LRRC8D: variants seen among roughly 807,000 people sequenced by gnomAD.
LRRC8D encodes the protein volume-regulated anion channel subunit LRRC8D.
In LRRC8D, 20 loss-of-function variants were observed where a neutral mutation model predicts 55.8. The ratio of observed to expected loss-of-function variants is 0.36; its 90% confidence interval spans 0.25 to 0.52. The LOEUF (loss-of-function observed/expected upper bound fraction) is 0.52. LRRC8D is among the 20% of genes least tolerant of loss of function. The pLI is 0.93. For synonymous variants in LRRC8D, 352 were observed against 377.0 expected, an observed-to-expected ratio of 0.93 and a Z score of 0.77; for missense variants, 651 against 1,030.8, an observed-to-expected ratio of 0.63 and a Z score of 5.05.
intron 1 of LRRC8D, among the ~76,000 whole-genome samples, chr1:89,834,396 TATATC>T (rs1362462013): frequency 3.3e-5 from 5 of 152,318 alleles, no homozygotes; most frequent in African/African-American, 1.2e-4. Context: ...GTTCTATTCT[TATATC>T]AGCCATGAAG....
intron 2 of LRRC8D, among the ~76,000 whole-genome samples, chr1:89,928,981 A>ACATT (rs1243563555): frequency 6.6e-6 from 1 of 152,228 alleles, no homozygotes; most frequent in Non-Finnish European, 1.5e-5. Context: ...GTAGATGTTA[A>ACATT]TAAATGTTCT....
chr1:89,850,802 T>C (rs936937127), intron 2 of LRRC8D, among the ~76,000 whole-genome samples: 1 of 152,218 alleles, frequency 6.6e-6, no homozygotes, highest in African/African-American at 2.4e-5. Flanking sequence ...TCTTGTTACA[T>C]GTACATTTAT....
At chr1:89,920,473 T>TA (rs888766835) in intron 2 of LRRC8D, among the ~76,000 whole-genome samples, 10 of 151,996 alleles carry the variant, frequency 6.6e-5, no homozygotes, top group Non-Finnish European at 1.3e-4. Context: ...ATTTTTTATG[T>TA]AAAAAAATTG....
chr1:89,923,371 A>G (rs1313734591), intron 2 of LRRC8D, among the ~76,000 whole-genome samples: 2 of 152,264 alleles, frequency 1.3e-5, no homozygotes, highest in Non-Finnish European at 2.9e-5. Context: ...ATTTATAGCC[A>G]TTCTGAGTCC....
At chr1:89,884,073 T>G (rs1662352133) in intron 2 of LRRC8D, among the ~76,000 whole-genome samples, 1 of 152,240 alleles carries the variant, frequency 6.6e-6, no homozygotes, top group South Asian at 2.1e-4. Context: ...GTGTTTCATG[T>G]TAACCTTTTT....
chr1:89,912,960 T>G (rs1663172491), intron 2 of LRRC8D, among the ~76,000 whole-genome samples: 1 of 152,152 alleles, frequency 6.6e-6, no homozygotes, highest in Admixed American at 6.5e-5. Context: ...TAGAATGACT[T>G]AAATAAGATA....
Position 89,855,714 on chromosome 1 carries a change from A to G in LRRC8D, c.-3+11932A>G, listed in dbSNP as rs962499561. Among the ~76,000 whole-genome samples, 18 of 152,358 alleles carry G rather than the reference A, an allele frequency of 1.2e-4. 1 individual carries two copies. Among genetic ancestry groups the G allele is most frequent in the African/African-American group, 4.1e-4 (17 of 41,588 alleles). ...TTTTTGAGAGTCTTAATTTCTCCACATAATTATATACTCTTCAAAGTGAAA... is the reference window on the plus strand; with the variant it reads ...TTTTTGAGAGTCTTAATTTCTCCACGTAATTATATACTCTTCAAAGTGAAA... On this transcript the variant is annotated intron_variant, in intron 2 of 2. Transcript: ENST00000337338.
intron 1 of LRRC8D, among the ~76,000 whole-genome samples, chr1:89,827,006 C>G (rs978819555): frequency 3.3e-5 from 5 of 152,078 alleles, no homozygotes; most frequent in African/African-American, 1.2e-4. Context: ...TGTTGTTGTC[C>G]TGACTTGCTG....
Position 89,911,911 on chromosome 1 carries a change from TC to T in LRRC8D, c.-2-21154del, listed in dbSNP as rs1200973432. Among the ~76,000 whole-genome samples, 2 of 152,082 alleles carry T rather than the reference TC, an allele frequency of 1.3e-5. No homozygotes were observed. The highest frequency in any genetic ancestry group is 2.9e-5 in the Non-Finnish European group (2 of 68,002). On this transcript the variant is annotated intron_variant, in intron 2 of 2. Transcript: ENST00000337338. The surrounding 1 kb of genome is among the most constrained non-coding windows in gnomAD (Gnocchi z 4.0). ...GTCCTCTGACCCACCCTTCTTCCTCTCCTCTGCTGAATGCTTTTCTTCTCCC... is the reference window on the plus strand; with the variant it reads ...GTCCTCTGACCCACCCTTCTTCCTCTCTCTGCTGAATGCTTTTCTTCTCCC...
At chr1:89,895,529 A>C (rs1557472573) in intron 2 of LRRC8D, among the ~76,000 whole-genome samples, 3 of 147,958 alleles carry the variant, frequency 2.0e-5, no homozygotes. Context: ...AAGTAGCATA[A>C]TGTTGCTTTT....
Position 89,840,031 on chromosome 1 carries a change from A to G in LRRC8D, c.-147-3607A>G, listed in dbSNP as rs369029662. On this transcript the variant is annotated intron_variant, in intron 1 of 2. Transcript: ENST00000337338. ...TCTTGAAACTGAATTTGGAGCTTCT[A>G]AAATGGCTTTCACAGTGTTGGTCTC... is the stretch of plus-strand genomic sequence containing the variant. Among the ~76,000 whole-genome samples the G allele has an allele frequency of 1.1e-4, 16 of 152,314 alleles. No homozygotes were observed. In the East Asian group the frequency reaches 1.7e-3, roughly 17 times the overall value.
intron 1 of LRRC8D, among the ~76,000 whole-genome samples, chr1:89,835,480 T>A (rs1453245934): frequency 6.6e-6 from 1 of 152,242 alleles, no homozygotes; most frequent in Non-Finnish European, 1.5e-5. Flanking sequence ...AAATCTAGAA[T>A]GTGGGATGGC....
intron 2 of LRRC8D, among the ~76,000 whole-genome samples, chr1:89,869,218 A>G (rs990124014): frequency 6.6e-6 from 1 of 152,098 alleles, no homozygotes; most frequent in Admixed American, 6.6e-5. Flanking sequence ...ACACTGCGTT[A>G]TTTTGACTGA....
chr1:89,910,858 G>T (rs1663117621), intron 2 of LRRC8D, among the ~76,000 whole-genome samples: 1 of 152,138 alleles, frequency 6.6e-6, no homozygotes, highest in Non-Finnish European at 1.5e-5. Context: ...AGTAGCCTCA[G>T]TGTTGAATGG....
At position 89,933,239 on chromosome 1, in the gene LRRC8D, A is replaced by C. The variant is rs1483636145; in HGVS notation, c.171A>C (p.Val57=). 2 of 1,614,196 alleles carry C rather than the reference A, an allele frequency of 1.2e-6. No individual in the cohort carries two copies. The highest frequency in any genetic ancestry group is 4.5e-5 in the East Asian group (2 of 44,878). ...AAGATCAGGTGGTCTGTTTGCCAGT[A>C]TTGCCATCTCCTGTAAATTCAAAGG... ...LTKDQVVCLP[V]LPSPVNSKAH... The change falls in exon 3 of 3, where the codon GTA becomes GTC. Residue 57 remains valine, a synonymous_variant. Coordinates refer to ENST00000337338, the MANE Select transcript of LRRC8D (RefSeq NM_001134479.2). The surrounding 1 kb of genome is among the most constrained non-coding windows in gnomAD (Gnocchi z 7.0).
At position 89,935,343 on chromosome 1, in the gene LRRC8D, A is replaced by G. The variant is rs1035965844; in HGVS notation, c.2275A>G (p.Ile759Val). ...GCTTCAGAACCTGCAGCATTTGCAT[A>G]TCACTGGGAACAAAGTGGACATTCT... ...GLLQNLQHLH[I>V]TGNKVDILPK... The change falls in exon 3 of 3, where the codon ATC becomes GTC. Residue 759 changes from isoleucine to valine, a missense_variant. Transcript: ENST00000337338. The G allele has an allele frequency of 6.2e-6, 10 of 1,614,144 alleles. No homozygotes were observed. In the East Asian group the frequency reaches 1.6e-4, roughly 25 times the overall value.
At chr1:89,837,163 T>C (rs907757248) in intron 1 of LRRC8D, among the ~76,000 whole-genome samples, 1 of 152,244 alleles carries the variant, frequency 6.6e-6, no homozygotes, top group Non-Finnish European at 1.5e-5. Flanking sequence ...CCTGGAGCCT[T>C]GAAATCCAGG....
intron 2 of LRRC8D, among the ~76,000 whole-genome samples, chr1:89,904,655 T>C (rs575517710): frequency 1.3e-5 from 2 of 152,200 alleles, no homozygotes; most frequent in Non-Finnish European, 2.9e-5. Context: ...TCTGTAAGGC[T>C]GCAGGGAGGG....
chr1:89,874,060 A>G (rs1570844762), intron 2 of LRRC8D, among the ~76,000 whole-genome samples: 1 of 152,200 alleles, frequency 6.6e-6, no homozygotes, highest in South Asian at 2.1e-4. Flanking sequence ...TCTGCTTCCT[A>G]TGGCAGTAAG....
Sources: gnomAD v4.1 joint callset for allele counts (sites outside exome capture counted in the v4.1 genomes callset) on GRCh38, gnomAD v4.1.1 for gene constraint, Gnocchi (gnomAD v3.1) non-coding constraint, MANE v1.5 for transcripts, NCBI Gene and HGNC (gene_info 2026-07-23, HGNC 2026-07-21) for gene names.